Variants in MDGA2 observed in about 807,000 individuals in gnomAD.
MDGA2 encodes the protein MAM domain-containing glycosylphosphatidylinositol anchor protein 2.
A neutral mutation model predicts 117.8 loss-of-function variants in MDGA2; 40 were observed. The ratio of observed to expected loss-of-function variants is 0.34; its 90% confidence interval spans 0.26 to 0.44. MDGA2 has a LOEUF of 0.44. MDGA2 is among the 20% of genes least tolerant of loss of function. The pLI, the probability that MDGA2 is intolerant of heterozygous loss-of-function variation, is 1.00. For synonymous variants in MDGA2, 452 were observed against 439.0 expected (o/e 1.03, Z -0.37); for missense variants, 1,123 against 1,250.6 (o/e 0.90, Z 1.54).
At chr14:47,251,931 G>GTATCAATAT (rs1555367010) in intron 2 of MDGA2, among the ~76,000 whole-genome samples, 1 of 150,368 alleles carries the variant, frequency 6.7e-6, no homozygotes, top group Non-Finnish European at 1.5e-5. Context: ...GGTTTCTCTT[G>GTATCAATAT]TATTATTATT....
At chr14:47,034,768 A>G (rs1024880105) in intron 8 of MDGA2, among the ~76,000 whole-genome samples, 6 of 147,424 alleles carry the variant, frequency 4.1e-5, no homozygotes, top group African/African-American at 1.3e-4. Context: ...ACACACACAC[A>G]CTAAAACAAC....
At position 47,488,708 on chromosome 14, in the gene MDGA2, CAAAT is replaced by C. The variant is rs2138648759; in HGVS notation, c.280+185805_280+185808del. Among the ~76,000 whole-genome samples the C allele has an allele frequency of 1.3e-5, 2 of 151,744 alleles. 1 individual carries two copies. Among genetic ancestry groups the C allele is most frequent in the South Asian group, 4.2e-4 (2 of 4,804 alleles). On this transcript the variant is annotated intron_variant, in intron 1 of 16. Coordinates refer to ENST00000399232, the MANE Select transcript of MDGA2 (RefSeq NM_001113498.3). Reference sequence around the variant, plus strand: ...AATCCAAAAGTTAGTAAACAATAAACAAATAAAAGCAGGCCATGTATGGAACTAT... The same window carrying C: ...AATCCAAAAGTTAGTAAACAATAAACAAAAGCAGGCCATGTATGGAACTAT...
chr14:47,601,995 T>C (rs148183403), intron 1 of MDGA2, among the ~76,000 whole-genome samples: 31 of 152,324 alleles, frequency 2.0e-4, no homozygotes, highest in African/African-American at 3.1e-4. Flanking sequence ...ATGGCTACTA[T>C]AGGAAATTTA....
At chr14:47,387,629 T>C (rs960853404) in intron 1 of MDGA2, among the ~76,000 whole-genome samples, 3 of 152,228 alleles carry the variant, frequency 2.0e-5, no homozygotes, top group Non-Finnish European at 2.9e-5. Context: ...AGATACTCAA[T>C]TGTTTTGAAA....
chr14:47,166,129 A>G (rs1883864975), intron 3 of MDGA2, among the ~76,000 whole-genome samples: 1 of 148,628 alleles, frequency 6.7e-6, no homozygotes, highest in African/African-American at 2.5e-5. Flanking sequence ...TCCATCTCCT[A>G]GGTTCAAACG....
chr14:47,270,263 T>C (rs1888102628), intron 2 of MDGA2, among the ~76,000 whole-genome samples: 1 of 152,156 alleles, frequency 6.6e-6, no homozygotes, highest in African/African-American at 2.4e-5. Context: ...TTCTACCTAC[T>C]TTCCAGAGTA....
At chr14:47,487,242 C>G (rs1594882482) in intron 1 of MDGA2, among the ~76,000 whole-genome samples, 1 of 152,282 alleles carries the variant, frequency 6.6e-6, no homozygotes, top group Non-Finnish European at 1.5e-5. Context: ...ATCAACATTA[C>G]TGTGGATAAT....
intron 1 of MDGA2, among the ~76,000 whole-genome samples, chr14:47,331,052 A>C (rs1454880052): frequency 1.3e-5 from 2 of 151,896 alleles, no homozygotes; most frequent in Admixed American, 6.6e-5. Flanking sequence ...AATTCTTCTT[A>C]GGTTTACTAA....
rs763262386 is a variant in MDGA2, at chr14:46,920,151, T to G, written c.2099A>C (p.Tyr700Ser). The change falls in exon 10 of 17, where the codon TAT becomes TCT. Residue 700 changes from tyrosine to serine, a missense_variant. Transcript: ENST00000399232. ...GGTATCATAATAGAATTCTGGAGCATAGGCCTTTCCTGAAAACAGAAAGTG... is the reference window on the plus strand; with the variant it reads ...GGTATCATAATAGAATTCTGGAGCAGAGGCCTTTCCTGAAAACAGAAAGTG... Reference protein sequence around the residue: ...RCSFLVTGKAYAPEFYYDTYN... With the variant: ...RCSFLVTGKASAPEFYYDTYN... 1.2e-6 allele frequency: 2 copies of G among 1,607,474 alleles called. No homozygotes were observed. Among genetic ancestry groups the G allele is most frequent in the Non-Finnish European group, 1.7e-6 (2 of 1,177,588 alleles).
chr14:47,591,580 T>C (rs1896439447), intron 1 of MDGA2, among the ~76,000 whole-genome samples: 1 of 152,044 alleles, frequency 6.6e-6, no homozygotes, highest in Non-Finnish European at 1.5e-5. Context: ...CAGCAGCACA[T>C]CAAAAAGCTT....
chr14:46,922,662 G>A (rs1884177572), intron 9 of MDGA2, among the ~76,000 whole-genome samples: 2 of 152,130 alleles, frequency 1.3e-5, no homozygotes, highest in African/African-American at 2.4e-5. Context: ...CTGATGCAAC[G>A]AAATACAGAC....
intron 1 of MDGA2, among the ~76,000 whole-genome samples, chr14:47,339,247 T>C (rs889707370): frequency 2.6e-5 from 4 of 152,166 alleles, no homozygotes; most frequent in African/African-American, 9.6e-5. Flanking sequence ...CATGGCTTTA[T>C]TTAATATTAG....
At chr14:46,933,883 G>A (rs1260506796) in intron 9 of MDGA2, among the ~76,000 whole-genome samples, 3 of 118,908 alleles carry the variant, frequency 2.5e-5, no homozygotes, top group East Asian at 2.8e-4. Flanking sequence ...ATAAATTCCT[G>A]CATTTAACAG....
At position 47,442,011 on chromosome 14, in the gene MDGA2, C is replaced by T. The variant is rs1893022132; in HGVS notation, c.281-140461G>A. Among the ~76,000 whole-genome samples the T allele has an allele frequency of 4.1e-5, 6 of 145,216 alleles. No individual in the cohort carries two copies. The South Asian group carries it at 1.3e-3, about 31-fold the overall frequency. On this transcript the variant is annotated intron_variant, in intron 1 of 16. Transcript: ENST00000399232. Reference sequence around the variant, plus strand: ...GGTTCTATTTAGGAAAAGAAAAAAACCCTTCACTGCAGTCTAGTGAAGAAA... The same window carrying T: ...GGTTCTATTTAGGAAAAGAAAAAAATCCTTCACTGCAGTCTAGTGAAGAAA...
chr14:47,440,286 T>G (rs1364434622), intron 1 of MDGA2, among the ~76,000 whole-genome samples: 1 of 152,144 alleles, frequency 6.6e-6, no homozygotes, highest in Non-Finnish European at 1.5e-5. Flanking sequence ...ATCTGGCCCC[T>G]GATCTGACAT....
rs556724272 is a variant in MDGA2, at chr14:47,064,928, T to C, written c.1196-3350A>G. Among the ~76,000 whole-genome samples, 7 of 152,180 alleles carry C rather than the reference T, an allele frequency of 4.6e-5. 1 individual carries two copies. The South Asian group carries it at 1.2e-3, about 27-fold the overall frequency. On this transcript the variant is annotated intron_variant, in intron 6 of 16. Transcript: ENST00000399232. ...GTACTGGAGTATAACAGAGGTCCAATAGACTTATTGAGACTCTATAGAACT... is the reference window on the plus strand; with the variant it reads ...GTACTGGAGTATAACAGAGGTCCAACAGACTTATTGAGACTCTATAGAACT...
At position 46,862,020 on chromosome 14, in the gene MDGA2, A is replaced by G. The variant is rs543214542; in HGVS notation, c.2753-6866T>C. On this transcript the variant is annotated intron_variant, in intron 14 of 16. Coordinates refer to ENST00000399232, the MANE Select transcript of MDGA2 (RefSeq NM_001113498.3). ...AGTGAATATGATGGATTGTGTTAAT[A>G]CTCCTTAAAAGTAAGTTTAAATCCC... Among the ~76,000 whole-genome samples the G allele has an allele frequency of 2.6e-5, 4 of 152,048 alleles. No homozygotes were observed. The East Asian group carries it at 5.8e-4, about 22-fold the overall frequency.
intron 1 of MDGA2, among the ~76,000 whole-genome samples, chr14:47,384,504 A>G (rs555430527): frequency 1.3e-5 from 2 of 151,492 alleles, no homozygotes; most frequent in Admixed American, 6.6e-5. Flanking sequence ...GATTTCTTCT[A>G]TTTTCTTCTT....
intron 6 of MDGA2, among the ~76,000 whole-genome samples, chr14:47,085,157 A>G (rs1340860228): frequency 6.6e-6 from 1 of 152,096 alleles, no homozygotes; most frequent in Admixed American, 6.6e-5. Context: ...AGTTAATAGT[A>G]TACCTAAAGG....
Sources: gnomAD v4.1 joint callset for allele counts (sites outside exome capture counted in the v4.1 genomes callset) on GRCh38, gnomAD v4.1.1 for gene constraint, MANE v1.5 for transcripts, NCBI Gene and HGNC (gene_info 2026-07-23, HGNC 2026-07-21) for gene names.